Variants in ZSCAN10 observed in about 807,000 individuals in gnomAD.
ZSCAN10 encodes the protein zinc finger and SCAN domain containing 10.
Under a neutral mutation model 63.7 loss-of-function variants are expected in ZSCAN10, and 52 were observed. The ratio of observed to expected loss-of-function variants is 0.82; its 90% CI spans 0.65 to 1.03. ZSCAN10 has a LOEUF of 1.03. Ranked by LOEUF, ZSCAN10 falls within the 50% of genes least tolerant of loss-of-function variation. The pLI is 0.00. For missense variants in ZSCAN10, 1,223 were observed against 1,103.8 expected, an observed-to-expected ratio of 1.11 and a Z score of -1.53; for synonymous variants, 544 against 479.6, an observed-to-expected ratio of 1.13 and a Z score of -1.76.
chr16:3,092,507 C>T (rs774755642), intron 2 of ZSCAN10, 35 bp downstream of exon 2: 25 of 1,468,226 alleles, frequency 1.7e-5, no homozygotes, highest in East Asian at 4.9e-5. Flanking sequence ...CCCCATCATC[C>T]GCATGCTGCT....
Position 3,089,608 on chromosome 16 carries a change from G to A in ZSCAN10, c.1826C>T (p.Thr609Ile), listed in dbSNP as rs542278388. Residue 609 changes from threonine (T) to isoleucine (I), a missense_variant, in exon 6 of 6, where the codon ACC becomes ATC. Transcript: ENST00000576985. ...THGGPRPHHC[T>I]QCGKSFGQTQ... is the part of the protein sequence containing the mutation. The stretch of plus-strand genomic sequence containing the variant: ...CTGGCCGAAACTCTTCCCGCACTGG[G>A]TGCAGTGGTGGGGCCGAGGGCCACC... 4.4e-6 allele frequency: 7 copies of A among 1,586,338 alleles called. No homozygotes were observed. In the African/African-American group the frequency reaches 8.1e-5, roughly 18 times the overall value.
Position 3,092,713 on chromosome 16 carries a change from CGGCCGCAGCCAGT to C in ZSCAN10, c.212_224del (p.His71ArgfsTer19), listed in dbSNP as rs1567167514. ...GGATCTGTTTCTTGGTGTGCAGAGC[CGGCCGCAGCCAGT>C]GGCCGCAGAGCTCCCGGAGCCGGCT... is the stretch of plus-strand genomic sequence containing the variant. On this transcript the variant is annotated frameshift_variant, in exon 2 of 6. Transcript: ENST00000576985. LOFTEE classifies it high-confidence loss of function. 2 of 1,613,022 alleles carry C rather than the reference CGGCCGCAGCCAGT, an allele frequency of 1.2e-6. No homozygotes were observed. The highest frequency in any genetic ancestry group is 1.7e-5 in the Admixed American group (1 of 59,992).
At chr16:3,098,741 G>A (rs1283661819) in intron 1 of ZSCAN10, among the ~76,000 whole-genome samples, 3 of 152,230 alleles carry the variant, frequency 2.0e-5, no homozygotes, top group Non-Finnish European at 4.4e-5. Flanking sequence ...TTGGAGCCCG[G>A]GGTGGAGGTG....
chr16:3,091,167 C>G (rs1957069375), intron 5 of ZSCAN10, among the ~76,000 whole-genome samples: 1 of 152,144 alleles, frequency 6.6e-6, no homozygotes, highest in South Asian at 2.1e-4. Context: ...AAAAAGTTAG[C>G]TGGGCGTGGT....
At position 3,091,581 on chromosome 16, in the gene ZSCAN10, T is replaced by G. The variant is rs763885517; in HGVS notation, c.746A>C (p.Glu249Ala). Reference sequence around the variant, plus strand: ...CCACGCCTTATTCTCTGGCACATCCTCAAAGGTCAGGCACTCCTGTATCAA... The same window carrying G: ...CCACGCCTTATTCTCTGGCACATCCGCAAAGGTCAGGCACTCCTGTATCAA... ...LAAVLECLTFEDVPENKAWPA... is the reference protein window; with the variant it reads ...LAAVLECLTFADVPENKAWPA... Residue 249 changes from glutamate (E) to alanine (A), a missense_variant, in exon 5 of 6, where the codon GAG becomes GCG. By Grantham distance (107) the Glu-to-Ala change is moderately radical. Coordinates refer to ENST00000576985, the MANE Select transcript of ZSCAN10 (RefSeq NM_032805.3). The G allele has an allele frequency of 1.2e-6, 2 of 1,614,182 alleles. No individual in the cohort carries two copies. The highest frequency in any genetic ancestry group is 2.7e-5 in the African/African-American group (2 of 75,040).
At position 3,090,562 on chromosome 16, in the gene ZSCAN10, T is replaced by C. The variant is rs754626747; in HGVS notation, c.872A>G (p.Glu291Gly). 2.4e-5 allele frequency: 38 copies of C among 1,600,218 alleles called. No homozygotes were observed. Among genetic ancestry groups the C allele is most frequent in the South Asian group, 6.6e-5 (6 of 90,604 alleles). Residue 291 changes from glutamate (E) to glycine (G), a missense_variant, in exon 6 of 6, where the codon GAG becomes GGG. Glu to Gly is a moderately conservative substitution (Grantham distance 98). Coordinates refer to ENST00000576985, the MANE Select transcript of ZSCAN10 (RefSeq NM_032805.3). Reference protein sequence around the residue: ...GAAWPTPILAESQADSPGVPG... With the variant: ...GAAWPTPILAGSQADSPGVPG... Reference sequence around the variant, plus strand: ...CACCCCAGGACTATCTGCCTGGGACTCTGCTAAGATGGGAGTGGGCCAGGC... The same window carrying C: ...CACCCCAGGACTATCTGCCTGGGACCCTGCTAAGATGGGAGTGGGCCAGGC...
In ZSCAN10 at chr16:3,089,278, T is replaced by A. The variant is rs758560016; in HGVS notation, c.2156A>T (p.Gln719Leu). The A allele has an allele frequency of 6.4e-7, 1 of 1,565,240 alleles. No homozygotes were observed. Residue 719 changes from glutamine (Q) to leucine (L), a missense_variant, in exon 6 of 6, where the codon CAG (glutamine) becomes CTG (leucine). By Grantham distance (113) the Gln-to-Leu change is moderately radical. Transcript: ENST00000576985. ...LATHAEPGQE[Q>L]AEPPQECVEC... ...CACGCACTCCTGCGGGGGCTCGGCC[T>A]GCTCCTGCCCGGGCTCCGCATGGGT...
In ZSCAN10 at chr16:3,089,482, C is replaced by T; in HGVS notation, c.1952G>A (p.Arg651His). 3 of 1,602,722 alleles carry T rather than the reference C, an allele frequency of 1.9e-6. No individual in the cohort carries two copies. The highest frequency in any genetic ancestry group is 1.7e-5 in the Admixed American group (1 of 58,616). ...EGFSQSAHLA[R>H]HQRIHTGEKP... Reference sequence around the variant, plus strand: ...CTCCCCTGTGTGGATGCGCTGGTGGCGCGCCAGGTGGGCGCTCTGGCTGAA... The same window carrying T: ...CTCCCCTGTGTGGATGCGCTGGTGGTGCGCCAGGTGGGCGCTCTGGCTGAA... Residue 651 changes from arginine (R) to histidine (H), a missense_variant, in exon 6 of 6, where the codon CGC (arginine) becomes CAC (histidine). Arg to His is a conservative substitution (Grantham distance 29, BLOSUM62 0). Transcript: ENST00000576985.
intron 1 of ZSCAN10, among the ~76,000 whole-genome samples, chr16:3,094,351 A>C (rs1957128416): frequency 6.6e-6 from 1 of 151,946 alleles, no homozygotes; most frequent in African/African-American, 2.4e-5. Context: ...GCCTTTATTT[A>C]TTTATTTATT....
chr16:3,090,879 C>G (rs563819122), intron 5 of ZSCAN10, among the ~76,000 whole-genome samples: 13 of 149,752 alleles, frequency 8.7e-5, no homozygotes, highest in South Asian at 4.3e-4. Context: ...CATGGTGAAG[C>G]CCCGTCTCTA....
Position 3,089,782 on chromosome 16 carries a change from G to A in ZSCAN10, c.1652C>T (p.Ser551Phe). The A allele has an allele frequency of 6.3e-7, 1 of 1,591,202 alleles. No individual in the cohort carries two copies. The highest frequency in any genetic ancestry group is 8.5e-7 in the Non-Finnish European group (1 of 1,175,954). Residue 551 changes from serine to phenylalanine, a missense_variant, in exon 6 of 6, where the codon TCC (serine) becomes TTC (phenylalanine). Physicochemically the swap from Ser to Phe is radical, Grantham distance 155. Transcript: ENST00000576985. ...GAAGCTGCGGCCGCAAGCCTGGCAG[G>A]AGAAGGGCCGCTCGCCCGTGTGCAC... The part of the protein sequence containing the change: ...RRVHTGERPF[S>F]CQACGRSFTQ...
Position 3,090,101 on chromosome 16 carries a change from C to A in ZSCAN10, c.1333G>T (p.Ala445Ser). The change falls in exon 6 of 6, where the codon GCC becomes TCC. Residue 445 changes from alanine to serine, a missense_variant. Physicochemically the swap from Ala to Ser is moderately conservative, Grantham distance 99. Transcript: ENST00000576985. ...AECGRGFQRR[A>S]SLVQHLLAHA... ...GCCAGCAGGTGCTGCACAAGGCTGG[C>A]GCGGCGCTGGAAGCCGCGGCCGCAC... The A allele has an allele frequency of 6.2e-7, 1 of 1,600,910 alleles. No individual in the cohort carries two copies. Among genetic ancestry groups the A allele is most frequent in the Non-Finnish European group, 8.5e-7 (1 of 1,177,522 alleles).
chr16:3,091,566 T>A lies in ZSCAN10; in HGVS notation c.761A>T (p.Asn254Ile). The A allele has an allele frequency of 6.2e-7, 1 of 1,614,206 alleles. No homozygotes were observed. The highest frequency in any genetic ancestry group is 8.5e-7 in the Non-Finnish European group (1 of 1,180,024). ...ECLTFEDVPE[N>I]KAWPAHPLGF... is the part of the protein sequence containing the mutation. Reference sequence around the variant, plus strand: ...CAGGGGGTGTGCAGGCCACGCCTTATTCTCTGGCACATCCTCAAAGGTCAG... The same window carrying A: ...CAGGGGGTGTGCAGGCCACGCCTTAATCTCTGGCACATCCTCAAAGGTCAG... The change falls in exon 5 of 6, where the codon AAT (asparagine) becomes ATT (isoleucine). Residue 254 changes from asparagine to isoleucine, a missense_variant. Physicochemically the swap from Asn to Ile is moderately radical, Grantham distance 149 (BLOSUM62 -3). Transcript: ENST00000576985.
chr16:3,092,455 G>A, intron 2 of ZSCAN10, 87 bp downstream of exon 2: 8 of 1,468,944 alleles, frequency 5.4e-6, no homozygotes, highest in Non-Finnish European at 3.6e-6. Flanking sequence ...TCAGGTGGGG[G>A]AAAGTGAAGT....
In ZSCAN10 at chr16:3,099,260, C is replaced by T. The variant is rs1051075723; in HGVS notation, c.-138G>A. The T allele has an allele frequency of 6.6e-6, 1 of 152,498 alleles. No homozygotes were observed. Among genetic ancestry groups the T allele is most frequent in the Non-Finnish European group, 1.5e-5 (1 of 68,258 alleles). 9.4% of individuals were successfully genotyped at this position (152,498 alleles called of 1,614,324 possible). ...TGAGGACTCCAGGGCCAAAGCCAGC[C>T]TCCGCCAGCCTGGGGAAGGGCTCTG... On this transcript the variant is annotated 5_prime_UTR_variant, in exon 1 of 6. Coordinates refer to ENST00000576985, the MANE Select transcript of ZSCAN10 (RefSeq NM_032805.3).
At chr16:3,091,254 G>GAC in intron 5 of ZSCAN10, among the ~76,000 whole-genome samples, 2 of 151,740 alleles carry the variant, frequency 1.3e-5, no homozygotes, top group African/African-American at 4.8e-5. Context: ...CCCGGCTGCA[G>GAC]TGAGCCATGA....
At chr16:3,091,898 GA>G (rs1957082771) in intron 3 of ZSCAN10, 70 bp from the exon 4 acceptor site, 9 of 1,593,186 alleles carry the variant, frequency 5.6e-6, no homozygotes, top group Non-Finnish European at 7.7e-6. Flanking sequence ...TGGCTGCAAG[GA>G]CACACACCGC....
intron 1 of ZSCAN10, among the ~76,000 whole-genome samples, chr16:3,093,687 CTT>C (rs1169436067): frequency 2.1e-5 from 1 of 46,626 alleles, no homozygotes. Context: ...TTTTTTTTTT[CTT>C]TTTTTTTTTG....
chr16:3,089,223 GC>G lies in ZSCAN10; in HGVS notation c.2210del (p.Cys737SerfsTer100). The G allele has an allele frequency of 1.9e-6, 3 of 1,574,988 alleles. No homozygotes were observed. The highest frequency in any genetic ancestry group is 2.6e-6 in the Non-Finnish European group (3 of 1,168,290). ...GCACCAGCAGGTGTCGCAGCAGATT[GC>G]AGCTGCGGCTGAAGCTCTTCCCGCA... The part of the protein sequence containing the change: ...VECGKSFSRS[C>X]NLLRHLLVHT... On this transcript the variant is annotated frameshift_variant, in exon 6 of 6. Transcript: ENST00000576985. LOFTEE classifies it high-confidence loss of function.
Sources: gnomAD v4.1 joint callset for allele counts (sites outside exome capture counted in the v4.1 genomes callset) on GRCh38, gnomAD v4.1.1 for gene constraint, MANE v1.5 for transcripts, NCBI Gene and HGNC (gene_info 2026-07-23, HGNC 2026-07-21) for gene names.